Variants in NPM1 observed in about 807,000 individuals in gnomAD.
The protein encoded by NPM1 is nucleophosmin.
Under a neutral mutation model 44.1 loss-of-function variants are expected in NPM1, and 1 was observed. The ratio of observed to expected loss-of-function variants is 0.02; its 90% CI spans 0.01 to 0.11. NPM1 has a LOEUF of 0.11. Ranked by LOEUF, NPM1 falls within the 10% of genes least tolerant of loss-of-function variation. The pLI is 1.00. For synonymous variants in NPM1, 126 were observed against 111.8 expected (o/e 1.13, Z -0.80); for missense variants, 197 against 347.8 (o/e 0.57, Z 3.45).
At chr5:171,409,265 A>G (rs1268366095) in intron 10 of NPM1, among the ~76,000 whole-genome samples, 5 of 152,240 alleles carry the variant, frequency 3.3e-5, no homozygotes, top group Non-Finnish European at 7.3e-5. Flanking sequence ...ATAGAGATGC[A>G]TGATGCAAGC....
intron 8 of NPM1, among the ~76,000 whole-genome samples, chr5:171,404,564 T>C (rs1771460389): frequency 1.3e-5 from 1 of 78,258 alleles, no homozygotes; most frequent in African/African-American, 5.5e-5. Flanking sequence ...CGCTCCTCAC[T>C]TCCTAGATGT....
Position 171,387,973 on chromosome 5 carries a change from ATGAGCCCCC to A in NPM1, c.30_38del (p.Ser10_Leu12del). On this transcript the variant is annotated inframe_deletion, in exon 1 of 11. Transcript: ENST00000296930. The stretch of plus-strand genomic sequence containing the variant: ...GATGGAAGATTCGATGGACATGGAC[ATGAGCCCCC>A]TGAGGCCCCAGAACTATCTTTTCGG... 6.3e-7 allele frequency: 1 copy of A among 1,599,556 alleles called. No individual in the cohort carries two copies. Among genetic ancestry groups the A allele is most frequent in the Non-Finnish European group, 8.5e-7 (1 of 1,171,612 alleles).
chr5:171,405,356 A>G lies in NPM1; in HGVS notation c.724A>G (p.Ser242Gly), dbSNP rs138586088. The G allele has an allele frequency of 1.9e-6, 3 of 1,596,058 alleles. No individual in the cohort carries two copies. Among genetic ancestry groups the G allele is most frequent in the Non-Finnish European group, 2.6e-6 (3 of 1,167,176 alleles). ...AACTCCTAAAACACCAAAAGGACCT[A>G]GTTCTGTAGAAGACATTAAAGCAAA... ...EKTPKTPKGP[S>G]SVEDIKAKMQ... The change falls in exon 9 of 11, where the codon AGT (serine) becomes GGT (glycine). Residue 242 changes from serine to glycine, a missense_variant. Physicochemically the swap from Ser to Gly is moderately conservative, Grantham distance 56. Around this residue, in one of 5 missense-constraint regions of NPM1, gnomAD observed 47 missense variants for 106.5 expected, o/e 0.44. Transcript: ENST00000296930.
At position 171,406,783 on chromosome 5, in the gene NPM1, A is replaced by G. The variant is rs1249410597; in HGVS notation, c.772-917A>G. 1.1e-5 allele frequency: 10 copies of G among 923,390 alleles called. No individual in the cohort carries two copies. In the African/African-American group the frequency reaches 1.7e-4, roughly 16 times the overall value. 57.2% of individuals were successfully genotyped at this position (923,390 alleles called of 1,614,324 possible). A position where few individuals can be genotyped will look rare whatever the true frequency, so the allele number is the denominator to read the frequency against. On this transcript the variant is annotated intron_variant, in intron 9 of 10. Coordinates refer to ENST00000296930, the MANE Select transcript of NPM1 (RefSeq NM_002520.7). ...TGGAAATTGTGAGGTTTATTTTACT[A>G]GGTTATTGGAGGCAGTTAAGTTTCT...
At position 171,410,576 on chromosome 5, in the gene NPM1, T is replaced by C. The variant is rs201083444; in HGVS notation, c.*11T>C. On this transcript the variant is annotated 3_prime_UTR_variant, in exon 11 of 11. Coordinates refer to ENST00000296930, the MANE Select transcript of NPM1 (RefSeq NM_002520.7). ...AGGAAGTCTCTTTAAGAAAATAGTT[T>C]AAACAATTTGTTAAAAAATTTTCCG... is the stretch of plus-strand genomic sequence containing the variant. 12 of 1,520,848 alleles carry C rather than the reference T, an allele frequency of 7.9e-6. No individual in the cohort carries two copies. The highest frequency in any genetic ancestry group is 1.1e-5 in the Non-Finnish European group (12 of 1,123,316). 94.2% of individuals were successfully genotyped at this position (1,520,848 alleles called of 1,614,324 possible).
intron 8 of NPM1, among the ~76,000 whole-genome samples, chr5:171,404,872 G>T (rs1452526614): frequency 6.6e-6 from 1 of 152,174 alleles, no homozygotes; most frequent in Admixed American, 6.5e-5. Context: ...ACGAGACTCT[G>T]TCTGCCCTGA....
At chr5:171,402,214 CTT>C (rs1322076852) in intron 8 of NPM1, among the ~76,000 whole-genome samples, 2 of 150,456 alleles carry the variant, frequency 1.3e-5, no homozygotes, top group African/African-American at 2.4e-5. Context: ...TAAACAGACA[CTT>C]TTCAAAAGAC....
chr5:171,387,948 G>T lies in NPM1; in HGVS notation c.-1G>T, dbSNP rs587777962. On this transcript the variant is annotated 5_prime_UTR_variant, in exon 1 of 11. Coordinates refer to ENST00000296930, the MANE Select transcript of NPM1 (RefSeq NM_002520.7). ...CCTACCTAAGTGCGTGCCGCCACCC[G>T]ATGGAAGATTCGATGGACATGGACA... 1.2e-6 allele frequency: 2 copies of T among 1,611,958 alleles called. No individual in the cohort carries two copies. The highest frequency in any genetic ancestry group is 1.7e-6 in the Non-Finnish European group (2 of 1,179,606).
chr5:171,389,909 A>G (rs1770486095), intron 1 of NPM1, 142 bp from the exon 2 acceptor site: 1 of 617,674 alleles, frequency 1.6e-6, no homozygotes, highest in East Asian at 2.9e-5. Flanking sequence ...AAATCTAGGA[A>G]TTGATCATTC....
At chr5:171,409,931 C>T (rs1771742252) in intron 10 of NPM1, among the ~76,000 whole-genome samples, 1 of 152,156 alleles carries the variant, frequency 6.6e-6, no homozygotes, top group African/African-American at 2.4e-5. Context: ...AGTAGCTGGG[C>T]CTCCTGTAGT....
At chr5:171,395,857 T>G (rs1427872929) in intron 6 of NPM1, among the ~76,000 whole-genome samples, 2 of 152,190 alleles carry the variant, frequency 1.3e-5, no homozygotes, top group Non-Finnish European at 2.9e-5. Flanking sequence ...CTATGTAATG[T>G]GCATAGTGCT....
chr5:171,402,969 T>TTTTA (rs752841058), intron 8 of NPM1, among the ~76,000 whole-genome samples: 16 of 118,862 alleles, frequency 1.3e-4, no homozygotes, highest in African/African-American at 4.2e-4. Context: ...TTTTTTTTCA[T>TTTTA]TTTATTTATT....
At chr5:171,388,851 A>G (rs1770420499) in intron 1 of NPM1, among the ~76,000 whole-genome samples, 1 of 152,124 alleles carries the variant, frequency 6.6e-6, no homozygotes, top group Admixed American at 6.5e-5. Flanking sequence ...CCAGAGATAA[A>G]CTCACTTAAC....
chr5:171,389,824 T>TA (rs1285060862), intron 1 of NPM1, among the ~76,000 whole-genome samples: 8 of 152,190 alleles, frequency 5.3e-5, no homozygotes, highest in African/African-American at 1.7e-4. Context: ...TCAGCGTAGT[T>TA]AGAGATGAAA....
At chr5:171,391,266 A>T (rs1770563687) in intron 2 of NPM1, 39 bp from the exon 3 acceptor site, 7 of 1,600,466 alleles carry the variant, frequency 4.4e-6, no homozygotes, top group Non-Finnish European at 6.0e-6. Context: ...AAATAGGTGG[A>T]ACTCAAAAGT....
chr5:171,388,225 A>T (rs1239632151), intron 1 of NPM1, among the ~76,000 whole-genome samples: 1 of 152,066 alleles, frequency 6.6e-6, no homozygotes, highest in African/African-American at 2.4e-5. Context: ...GAGCGGCCTG[A>T]AGCGTCTGGG....
rs758108952 is a variant in NPM1 at position 171,387,942 on chromosome 5, C to G, written c.-7C>G. ...TTCTCTCCTACCTAAGTGCGTGCCG[C>G]CACCCGATGGAAGATTCGATGGACA... On this transcript the variant is annotated 5_prime_UTR_variant, in exon 1 of 11. Coordinates refer to ENST00000296930, the MANE Select transcript of NPM1 (RefSeq NM_002520.7). The G allele has an allele frequency of 1.2e-6, 2 of 1,611,954 alleles. No homozygotes were observed. The highest frequency in any genetic ancestry group is 2.2e-5 in the East Asian group (1 of 44,872).
intron 8 of NPM1, among the ~76,000 whole-genome samples, chr5:171,401,539 C>T (rs1581251957): frequency 6.6e-6 from 1 of 152,110 alleles, no homozygotes; most frequent in East Asian, 1.9e-4. Flanking sequence ...CGGGTTCAAG[C>T]GATTCTCCTG....
intron 10 of NPM1, among the ~76,000 whole-genome samples, chr5:171,408,822 A>G (rs1236329252): frequency 6.6e-6 from 1 of 152,218 alleles, no homozygotes; most frequent in African/African-American, 2.4e-5. Flanking sequence ...ACCAGCATGT[A>G]CTAACAGCTA....
Sources: gnomAD v4.1 joint callset for allele counts (sites outside exome capture counted in the v4.1 genomes callset) on GRCh38, gnomAD v4.1.1 for gene constraint, gnomAD v4.1.1 regional missense constraint, MANE v1.5 for transcripts, NCBI Gene and HGNC (gene_info 2026-07-23, HGNC 2026-07-21) for gene names.